SEC24D: variants seen among roughly 807,000 people sequenced by gnomAD.
SEC24D encodes the protein protein transport protein Sec24D.
Under a neutral mutation model 116.9 loss-of-function variants are expected in SEC24D, and 69 were observed. The ratio of observed to expected loss-of-function variants is 0.59; its 90% CI spans 0.49 to 0.72. The LOEUF (loss-of-function observed/expected upper bound fraction) is 0.72, where lower values mean the gene tolerates loss of function less well. Ranked by LOEUF, SEC24D falls within the 30% of genes least tolerant of loss-of-function variation. SEC24D has a pLI of 0.00. For synonymous variants in SEC24D, 405 were observed against 442.8 expected (o/e 0.91, Z 1.07); for missense variants, 1,131 against 1,264.1 (o/e 0.89, Z 1.60).
chr4:118,823,374 A>C (rs2110533876), intron 3 of SEC24D, among the ~76,000 whole-genome samples: 1 of 152,336 alleles, frequency 6.6e-6, no homozygotes, highest in South Asian at 2.1e-4. Context: ...TGACTTTAAA[A>C]AATCCCAGAG....
chr4:118,741,007 C>A lies in SEC24D; in HGVS notation c.2026G>T (p.Asp676Tyr). 6.3e-7 allele frequency: 1 copy of A among 1,586,730 alleles called. No individual in the cohort carries two copies. Among genetic ancestry groups the A allele is most frequent in the East Asian group, 2.3e-5 (1 of 44,216 alleles). Residue 676 changes from aspartate to tyrosine, a missense_variant, in exon 16 of 23, where the codon GAC becomes TAC. Transcript: ENST00000280551. Reference sequence around the variant, plus strand: ...TTCTTTTCAATATCATTTCTGAGGTCGTTCAAAAATTGTTGTCTATCCAAG... The same window carrying A: ...TTCTTTTCAATATCATTTCTGAGGTAGTTCAAAAATTGTTGTCTATCCAAG... ...MHLDRQQFLN[D>Y]LRNDIEKKIG...
chr4:118,809,199 C>G (rs1481817359), intron 6 of SEC24D, among the ~76,000 whole-genome samples: 1 of 152,048 alleles, frequency 6.6e-6, no homozygotes, highest in African/African-American at 2.4e-5. Context: ...GTCTCGATCT[C>G]CTGACCTCGT....
At position 118,817,417 on chromosome 4, in the gene SEC24D, GA is replaced by G. The variant is rs748719779; in HGVS notation, c.249-6del. On this transcript the variant is annotated splice_region_variant and splice_polypyrimidine_tract_variant and intron_variant, in intron 3 of 22. Coordinates refer to ENST00000280551, the MANE Select transcript of SEC24D (RefSeq NM_014822.4). ...ACAGGTGGAGGGCCTGGAAATCTGA[GA>G]GAGGAAAACAGGATGTCAAACAATA... 1.2e-6 allele frequency: 2 copies of G among 1,603,672 alleles called. No individual in the cohort carries two copies. The highest frequency in any genetic ancestry group is 2.7e-5 in the African/African-American group (2 of 74,330).
chr4:118,826,597 G>A (rs904653809), intron 2 of SEC24D, among the ~76,000 whole-genome samples: 31 of 151,106 alleles, frequency 2.1e-4, no homozygotes, highest in African/African-American at 6.8e-4. Context: ...ACGAGAAGTC[G>A]AAAATATTCT....
chr4:118,745,887 C>A (rs1726496066), intron 13 of SEC24D, among the ~76,000 whole-genome samples: 1 of 152,158 alleles, frequency 6.6e-6, no homozygotes, highest in African/African-American at 2.4e-5. Flanking sequence ...CCTTATGAAT[C>A]CTGAAGAGCT....
intron 19 of SEC24D, chr4:118,736,600 T>C: frequency 3.5e-6 from 1 of 289,518 alleles, no homozygotes; most frequent in Non-Finnish European, 6.7e-6. Context: ...TACAGTTAGA[T>C]TTTCTGAAGA....
At chr4:118,788,716 C>A (rs530407007) in intron 8 of SEC24D, among the ~76,000 whole-genome samples, 5 of 152,174 alleles carry the variant, frequency 3.3e-5, no homozygotes, top group African/African-American at 1.2e-4. Flanking sequence ...CATGAAATAT[C>A]CAAAGTAGGA....
chr4:118,824,791 A>T, intron 2 of SEC24D, 42 bp from the exon 3 acceptor site: 1 of 1,518,006 alleles, frequency 6.6e-7, no homozygotes, highest in South Asian at 1.3e-5. Flanking sequence ...ATTAAAGTAC[A>T]AAGAGAGATG....
Position 118,745,055 on chromosome 4 carries a change from TG to T in SEC24D, c.1712del (p.Ala571GlufsTer62). 6.4e-7 allele frequency: 1 copy of T among 1,561,662 alleles called. No homozygotes were observed. Among genetic ancestry groups the T allele is most frequent in the South Asian group, 1.2e-5 (1 of 84,704 alleles). ...AGATGAACAGCTTCCCAGGACAGTC[TG>T]CTGCCTAAAAAAAAAAAAAAACCCA... ...IQAGMEALKAADCPGKLFIFH... is the reference protein window; with the variant it reads ...IQAGMEALKAXDCPGKLFIFH... On this transcript the variant is annotated frameshift_variant, in exon 14 of 23. Coordinates refer to ENST00000280551, the MANE Select transcript of SEC24D (RefSeq NM_014822.4). LOFTEE classifies it high-confidence loss of function.
rs1238112865 is a variant in SEC24D, at chr4:118,783,188, A to G, written c.1041+14495T>C. 2.6e-5 allele frequency among the ~76,000 whole-genome samples: 4 copies of G among 152,144 alleles called. No homozygotes were observed. The East Asian group carries it at 5.8e-4, about 22-fold the overall frequency. On this transcript the variant is annotated intron_variant, in intron 8 of 22. Coordinates refer to ENST00000280551, the MANE Select transcript of SEC24D (RefSeq NM_014822.4). ...CAGAAATCACCCGTCTTCTGCGTCA[A>G]TCACGCTCAGAGCTGCAGACGGGAG...
At chr4:118,730,752 T>C (rs920381064) in intron 21 of SEC24D, 1 of 152,418 alleles carries the variant, frequency 6.6e-6, no homozygotes, top group African/African-American at 2.4e-5. Context: ...TTTGTTGTTA[T>C]TGCAACAGAG....
intron 8 of SEC24D, among the ~76,000 whole-genome samples, chr4:118,796,386 T>C (rs1729182083): frequency 6.6e-6 from 1 of 152,192 alleles, no homozygotes; most frequent in African/African-American, 2.4e-5. Context: ...GAAGAGACTA[T>C]GGTTAAAATA....
At chr4:118,802,770 G>A (rs1427935606) in intron 7 of SEC24D, among the ~76,000 whole-genome samples, 2 of 152,166 alleles carry the variant, frequency 1.3e-5, no homozygotes, top group African/African-American at 4.8e-5. Context: ...GAAAGCAGGG[G>A]CTCGCATAGA....
chr4:118,811,780 A>G (rs570105753), intron 6 of SEC24D, among the ~76,000 whole-genome samples: 29 of 152,370 alleles, frequency 1.9e-4, no homozygotes, highest in African/African-American at 6.7e-4. Flanking sequence ...ATGATTATCA[A>G]TAAAGGCACT....
intron 7 of SEC24D, 135 bp from the exon 8 acceptor site, chr4:118,797,945 T>C: frequency 1.4e-6 from 1 of 693,296 alleles, no homozygotes; most frequent in Non-Finnish European, 2.2e-6. Context: ...TCATGATTTG[T>C]TTTTTAAAAA....
At position 118,815,606 on chromosome 4, in the gene SEC24D, G is replaced by A; in HGVS notation, c.518C>T (p.Pro173Leu). The change falls in exon 5 of 23, where the codon CCA becomes CTA. Residue 173 changes from proline to leucine, a missense_variant. Coordinates refer to ENST00000280551, the MANE Select transcript of SEC24D (RefSeq NM_014822.4). ...ILQPGSQVLP[P>L]PPTTLNGPGA... ...AGGACCATTGAGTGTGGTGGGTGGT[G>A]GTGGAAGAACTTGAGATCCAGGCTG... The A allele has an allele frequency of 6.2e-7, 1 of 1,614,182 alleles. No homozygotes were observed. Among genetic ancestry groups the A allele is most frequent in the East Asian group, 2.2e-5 (1 of 44,856 alleles).
chr4:118,757,039 T>C (rs1240441238), intron 11 of SEC24D, among the ~76,000 whole-genome samples: 3 of 152,296 alleles, frequency 2.0e-5, no homozygotes, highest in African/African-American at 7.2e-5. Flanking sequence ...ATATTTCTTA[T>C]GGTAAGACTG....
In SEC24D at chr4:118,739,160, A is replaced by G; in HGVS notation, c.2366T>C (p.Phe789Ser). The G allele has an allele frequency of 1.2e-6, 2 of 1,613,530 alleles. No individual in the cohort carries two copies. Among genetic ancestry groups the G allele is most frequent in the Non-Finnish European group, 1.7e-6 (2 of 1,179,604 alleles). Residue 789 changes from phenylalanine (F) to serine (S), a missense_variant, in exon 18 of 23, where the codon TTT becomes TCT. By Grantham distance (155) the Phe-to-Ser change is radical. Transcript: ENST00000280551. ...TGGCAAAGTGTTACCTGACTTGGCA[A>G]AGAAGTTGATAAGAGCATCTGTCTC... ...SCETDALINF[F>S]AKSAFKAVLH... is the part of the protein sequence containing the mutation.
intron 4 of SEC24D, chr4:118,816,885 G>A: frequency 6.7e-6 from 3 of 449,530 alleles, no homozygotes; most frequent in East Asian, 7.1e-5. Context: ...GTGAAACAAT[G>A]AGTACTATAT....
Sources: allele counts gnomAD v4.1 joint callset (sites outside exome capture counted in the v4.1 genomes callset), GRCh38; gene constraint gnomAD v4.1.1; transcripts MANE v1.5; gene names NCBI Gene and HGNC (gene_info 2026-07-23, HGNC 2026-07-21).